The following FYB2 variants were observed in gnomAD, a reference collection of about 807,000 sequenced individuals.
FYB2 encodes the protein FYN-binding protein 2.
In FYB2, 103 loss-of-function variants were observed where a neutral mutation model predicts 94.1. The ratio of observed to expected loss-of-function variants is 1.09; its 90% confidence interval spans 0.93 to 1.29. The LOEUF (loss-of-function observed/expected upper bound fraction) is 1.29, where lower values mean the gene tolerates loss of function less well. Ranked by LOEUF, FYB2 falls within the 50% of genes most tolerant of loss-of-function variation. The pLI is 0.00. For missense variants in FYB2, 896 were observed against 841.5 expected, an observed-to-expected ratio of 1.06 and a Z score of -0.80; for synonymous variants, 293 against 287.9, an observed-to-expected ratio of 1.02 and a Z score of -0.18.
intron 9 of FYB2, among the ~76,000 whole-genome samples, chr1:56,747,332 T>C (rs1440259329): frequency 6.6e-6 from 1 of 151,928 alleles, no homozygotes; most frequent in Non-Finnish European, 1.5e-5. Flanking sequence ...GGTGGTTTGC[T>C]GCACCAATCA....
intron 1 of FYB2, among the ~76,000 whole-genome samples, chr1:56,814,986 A>G (rs1242032366): frequency 6.6e-6 from 1 of 152,182 alleles, no homozygotes; most frequent in Admixed American, 6.5e-5. Context: ...AGTGATATTT[A>G]GTTGGACCTC....
intron 8 of FYB2, among the ~76,000 whole-genome samples, chr1:56,753,483 C>T (rs931005429): frequency 7.9e-5 from 12 of 152,084 alleles, no homozygotes; most frequent in Non-Finnish European, 1.5e-4. Context: ...AGACAAGTCA[C>T]TCTTCTAAGC....
intron 4 of FYB2, among the ~76,000 whole-genome samples, chr1:56,785,867 T>C (rs1646122658): frequency 6.6e-6 from 1 of 152,192 alleles, no homozygotes; most frequent in South Asian, 2.1e-4. Flanking sequence ...CCTTCCTGCA[T>C]CCCTGCTTTT....
intron 8 of FYB2, among the ~76,000 whole-genome samples, chr1:56,751,888 T>C (rs1037397584): frequency 3.3e-5 from 5 of 152,020 alleles, no homozygotes; most frequent in African/African-American, 1.2e-4. Flanking sequence ...CTCACTGTCT[T>C]GGAAACAGAG....
chr1:56,738,289 C>T (rs887654246), intron 14 of FYB2, among the ~76,000 whole-genome samples: 2 of 152,082 alleles, frequency 1.3e-5, no homozygotes, highest in Non-Finnish European at 2.9e-5. Context: ...ATGCAAAATG[C>T]ATGAGTTTCA....
At chr1:56,748,575 T>C (rs1569972795) in intron 9 of FYB2, among the ~76,000 whole-genome samples, 1 of 151,650 alleles carries the variant, frequency 6.6e-6, no homozygotes, top group East Asian at 1.9e-4. Flanking sequence ...GATGTTACCT[T>C]CTCACTCTTT....
Position 56,788,748 on chromosome 1 carries a change from A to C in FYB2, c.919+225T>G, listed in dbSNP as rs1646187918. 4 of 572,566 alleles carry C rather than the reference A, an allele frequency of 7.0e-6. No individual in the cohort carries two copies. In the South Asian group the frequency reaches 8.4e-5, roughly 12 times the overall value. The allele number at this position is 572,566 out of a possible 1,614,324, so 35.5% of individuals were successfully genotyped here. A position where few individuals can be genotyped will look rare whatever the true frequency, so the allele number is the denominator to read the frequency against. ...TCTTGGACAGATTCCCAGTGATCAA[A>C]TGCAGTGCTCTCAGGGGAAGTGGGC... On this transcript the variant is annotated intron_variant, in intron 3 of 19. Coordinates refer to ENST00000343433, the MANE Select transcript of FYB2 (RefSeq NM_001004303.5).
At chr1:56,753,255 TGGG>T (rs1175149769) in intron 8 of FYB2, among the ~76,000 whole-genome samples, 1 of 152,082 alleles carries the variant, frequency 6.6e-6, no homozygotes, top group African/African-American at 2.4e-5. Flanking sequence ...TTGAAGCAGA[TGGG>T]GTCAGTTGGA....
rs775857872 is a variant in FYB2 at position 56,719,666 on chromosome 1, T to G, written c.*5A>C. The stretch of plus-strand genomic sequence containing the variant: ...TGCAGTCCATAGCATTTGATCTTGA[T>G]TTTTCTAAGGTGACCAACTTTGATG... On this transcript the variant is annotated 3_prime_UTR_variant, in exon 20 of 20. Coordinates refer to ENST00000343433, the MANE Select transcript of FYB2 (RefSeq NM_001004303.5). The G allele has an allele frequency of 1.3e-6, 2 of 1,598,398 alleles. No homozygotes were observed. Among genetic ancestry groups the G allele is most frequent in the East Asian group, 2.3e-5 (1 of 44,258 alleles).
chr1:56,805,074 T>A (rs1317116608), intron 1 of FYB2, among the ~76,000 whole-genome samples: 2 of 152,216 alleles, frequency 1.3e-5, no homozygotes, highest in African/African-American at 2.4e-5. Context: ...GAGCAGCTTT[T>A]TCCAGTTCTT....
chr1:56,784,391 A>G (rs115552649), intron 4 of FYB2, among the ~76,000 whole-genome samples: 4,629 of 152,252 alleles, frequency 0.03, 95 homozygotes, highest in Non-Finnish European at 0.048. Context: ...CAGTAATGAG[A>G]GCCTACGTAT....
chr1:56,767,824 C>T lies in FYB2; in HGVS notation c.1063+5G>A. Reference sequence around the variant, plus strand: ...TTACACTATTAATTGGCTTAGCAGACTTACGATCAGCAATTTCTTTTGCAG... The same window carrying T: ...TTACACTATTAATTGGCTTAGCAGATTTACGATCAGCAATTTCTTTTGCAG... On this transcript the variant is annotated splice_donor_5th_base_variant and intron_variant, in intron 5 of 19. Coordinates refer to ENST00000343433, the MANE Select transcript of FYB2 (RefSeq NM_001004303.5). 1 of 1,586,738 alleles carries T rather than the reference C, an allele frequency of 6.3e-7. No individual in the cohort carries two copies. The highest frequency in any genetic ancestry group is 8.6e-7 in the Non-Finnish European group (1 of 1,157,864).
chr1:56,730,394 T>G (rs55890206), intron 15 of FYB2, among the ~76,000 whole-genome samples: 59,994 of 85,216 alleles, frequency 0.7, 18,808 homozygotes, highest in African/African-American at 0.85. Flanking sequence ...TAAAGGGAAG[T>G]GGAGGGGAGG....
intron 15 of FYB2, 83 bp from the exon 16 acceptor site, chr1:56,726,666 G>T: frequency 8.8e-7 from 1 of 1,138,334 alleles, no homozygotes; most frequent in Non-Finnish European, 1.2e-6. Flanking sequence ...GGGCAATTAT[G>T]TTTTACAAAA....
chr1:56,808,273 T>C (rs1482482359), intron 1 of FYB2, among the ~76,000 whole-genome samples: 1 of 152,168 alleles, frequency 6.6e-6, no homozygotes, highest in Non-Finnish European at 1.5e-5. Context: ...CTAGACCCAC[T>C]GACCTTGATC....
chr1:56,726,964 C>A (rs1159871969), intron 15 of FYB2, among the ~76,000 whole-genome samples: 1 of 150,772 alleles, frequency 6.6e-6, no homozygotes, highest in Non-Finnish European at 1.5e-5. Context: ...TTTTTTTTGC[C>A]TCTAAAATAT....
rs540278232 is a variant in FYB2, at chr1:56,798,050, T to A, written c.10-5247A>T. On this transcript the variant is annotated intron_variant, in intron 1 of 19. Coordinates refer to ENST00000343433, the MANE Select transcript of FYB2 (RefSeq NM_001004303.5). ...TAAGACAGGGCCAGTATCCTATTTA[T>A]GTTGGTATCCCCAGCAGTGGCAGAA... Among the ~76,000 whole-genome samples the A allele has an allele frequency of 2.3e-3, 344 of 152,354 alleles. 5 individuals are homozygous for A. The highest frequency in any genetic ancestry group is 7.6e-3 in the African/African-American group (314 of 41,582).
intron 4 of FYB2, among the ~76,000 whole-genome samples, chr1:56,774,376 G>A (rs1187264077): frequency 1.3e-5 from 2 of 152,000 alleles, no homozygotes; most frequent in Non-Finnish European, 2.9e-5. Context: ...GGCATAAAGC[G>A]TTTGCTACTT....
chr1:56,720,518 T>A, intron 17 of FYB2, 189 bp from the exon 18 acceptor site: 1 of 425,658 alleles, frequency 2.3e-6, no homozygotes, highest in Non-Finnish European at 4.0e-6. Flanking sequence ...AAAATAATAG[T>A]AAAATGGTGC....
Sources: gnomAD v4.1 joint callset for allele counts (sites outside exome capture counted in the v4.1 genomes callset) on GRCh38, gnomAD v4.1.1 for gene constraint, MANE v1.5 for transcripts, NCBI Gene and HGNC (gene_info 2026-07-23, HGNC 2026-07-21) for gene names.